The following GPANK1 variants were observed in gnomAD, a reference collection of about 807,000 sequenced individuals.
The protein encoded by GPANK1 is G-patch domain and ankyrin repeats 1.
Under a neutral mutation model 24.0 loss-of-function variants are expected in GPANK1, and 22 were observed. The observed-to-expected ratio is 0.92, with a 90% CI of 0.66 to 1.31. The LOEUF (loss-of-function observed/expected upper bound fraction) is 1.31. GPANK1 is among the 50% of genes most tolerant of loss of function. The pLI is 0.00. For missense variants in GPANK1, 469 were observed against 453.5 expected (o/e 1.03, Z -0.31); for synonymous variants, 174 against 177.4 (o/e 0.98, Z 0.15).
upstream of GPANK1, chr6:31,665,733 G>C: frequency 1.1e-6 from 1 of 881,058 alleles, no homozygotes. Flanking sequence ...CGGGACTAGA[G>C]GGGAACGTGA....
chr6:31,665,741 T>C, upstream of GPANK1: 1 of 894,994 alleles, frequency 1.1e-6, no homozygotes, highest in Non-Finnish European at 1.6e-6. Context: ...GAGGGGAACG[T>C]GAGGAGAGCT....
intron 2 of GPANK1, 134 bp downstream of exon 2, chr6:31,663,719 C>T: frequency 7.5e-7 from 1 of 1,337,124 alleles, no homozygotes; most frequent in Non-Finnish European, 9.8e-7. Context: ...AACCACTTGA[C>T]TATACTACCC....
chr6:31,665,194 G>A, upstream of GPANK1: 1 of 513,712 alleles, frequency 1.9e-6, no homozygotes, highest in Non-Finnish European at 3.5e-6. Context: ...GGTGGCGCGA[G>A]CACTAGGATC....
chr6:31,666,030 C>T (rs146452657), upstream of GPANK1: 615 of 997,874 alleles, frequency 6.2e-4, no homozygotes, highest in Middle Eastern at 9.3e-3. Flanking sequence ...GCATCCACCG[C>T]GGCACCTGAC....
Position 31,662,770 on chromosome 6 carries a change from C to A in GPANK1, c.627-60G>T, listed in dbSNP as rs1801059287. On this transcript the variant is annotated intron_variant, in intron 2 of 2. Coordinates refer to ENST00000375896, the MANE Select transcript of GPANK1 (RefSeq NM_033177.4). The surrounding 1 kb of genome is among the most constrained non-coding windows in gnomAD (Gnocchi z 5.5). The stretch of plus-strand genomic sequence containing the variant: ...GGAAGGAAAAGGGGAAGAGTTGAGG[C>A]CTCAGAGGGGGCTGGCAGGGTAGAA... The A allele has an allele frequency of 9.3e-7, 1 of 1,075,662 alleles. No individual in the cohort carries two copies. Among genetic ancestry groups the A allele is most frequent in the African/African-American group, 1.6e-5 (1 of 63,190 alleles). The allele number at this position is 1,075,662 out of a possible 1,614,324, so 66.6% of individuals were successfully genotyped here. A position where few individuals can be genotyped will look rare whatever the true frequency, so the allele number is the denominator to read the frequency against.
Position 31,663,873 on chromosome 6 carries a change from CT to C in GPANK1, c.605del (p.Glu202GlyfsTer63). 1.3e-6 allele frequency: 2 copies of C among 1,561,868 alleles called. No homozygotes were observed. Among genetic ancestry groups the C allele is most frequent in the Non-Finnish European group, 1.7e-6 (2 of 1,155,038 alleles). The part of the protein sequence containing the change: ...VARMVRESHG[E>X]TRSPENRSPT... ...CTTACCGGTTTTCCGGGCTCCTTGT[CT>C]CTCCATGGCTCTCCCTGACCATGCG... On this transcript the variant is annotated frameshift_variant, in exon 2 of 3. Coordinates refer to ENST00000375896, the MANE Select transcript of GPANK1 (RefSeq NM_033177.4). LOFTEE classifies it high-confidence loss of function.
In GPANK1 at chr6:31,664,252, A is replaced by C. The variant is rs139853921; in HGVS notation, c.227T>G (p.Met76Arg). 6.2e-7 allele frequency: 1 copy of C among 1,613,836 alleles called. No individual in the cohort carries two copies. The highest frequency in any genetic ancestry group is 2.2e-5 in the East Asian group (1 of 44,880). The change falls in exon 2 of 3, where the codon ATG becomes AGG. Residue 76 changes from methionine to arginine, a missense_variant. Coordinates refer to ENST00000375896, the MANE Select transcript of GPANK1 (RefSeq NM_033177.4). ...RERKRKKRRI[M>R]KAPAAEAVAE... is the part of the protein sequence containing the mutation. ...CACTGCTTCTGCTGCTGGTGCCTTC[A>C]TTATTCTTCTTTTCTTTCTCTTTCT...
chr6:31,662,194 G>A lies in GPANK1; in HGVS notation c.*72C>T. On this transcript the variant is annotated 3_prime_UTR_variant, in exon 3 of 3. Coordinates refer to ENST00000375896, the MANE Select transcript of GPANK1 (RefSeq NM_033177.4). This position sits in a 1 kb window ranked among gnomAD's most constrained non-coding sequence, Gnocchi z 5.5. ...GCATCTGAGCAGATCCCAGGAAGGGGAAGTCAAAGGGCCCAGGTCAGAGGC... is the reference window on the plus strand; with the variant it reads ...GCATCTGAGCAGATCCCAGGAAGGGAAAGTCAAAGGGCCCAGGTCAGAGGC... 1 of 993,298 alleles carries A rather than the reference G, an allele frequency of 1.0e-6. No homozygotes were observed. The highest frequency in any genetic ancestry group is 1.5e-6 in the Non-Finnish European group (1 of 672,826). The allele number at this position is 993,298 out of a possible 1,614,324, so 61.5% of individuals were successfully genotyped here.
In GPANK1 at chr6:31,663,908, CAG is replaced by C; in HGVS notation, c.569_570del (p.Pro190ArgfsTer32). The stretch of plus-strand genomic sequence containing the variant: ...CTCTCCCTGACCATGCGGGCTACCT[CAG>C]GGAAGCCAGCTTCTTCAGCGAGCTG... Reference protein sequence around the residue: ...AAQLAEEAGFPEVARMVRESH... With the variant: ...AAQLAEEAGFXEVARMVRESH... On this transcript the variant is annotated frameshift_variant, in exon 2 of 3. Coordinates refer to ENST00000375896, the MANE Select transcript of GPANK1 (RefSeq NM_033177.4). LOFTEE classifies it high-confidence loss of function. 6.2e-7 allele frequency: 1 copy of C among 1,610,054 alleles called. No individual in the cohort carries two copies. Among genetic ancestry groups the C allele is most frequent in the South Asian group, 1.1e-5 (1 of 90,554 alleles).
rs1445256757 is a variant in GPANK1, at chr6:31,662,653, G to T, written c.684C>A (p.Ser228=). The T allele has an allele frequency of 6.2e-7, 1 of 1,611,956 alleles. No individual in the cohort carries two copies. Among genetic ancestry groups the T allele is most frequent in the Non-Finnish European group, 8.5e-7 (1 of 1,179,220 alleles). The change falls in exon 3 of 3, where the codon TCC becomes TCA. Residue 228 remains serine, a synonymous_variant. Coordinates refer to ENST00000375896, the MANE Select transcript of GPANK1 (RefSeq NM_033177.4). The surrounding 1 kb of genome is among the most constrained non-coding windows in gnomAD (Gnocchi z 5.5). ...GGTGAGCAGTGGATGTGCGGTGGTT[G>T]GAATCTTGGAAGTGGGTGTCACAGT... ...CENCDTHFQD[S]NHRTSTAHLL... is the part of the protein sequence containing the mutation.
At chr6:31,665,761 G>A, upstream of GPANK1, 2 of 973,606 alleles carry the variant, frequency 2.1e-6, no homozygotes, top group Middle Eastern at 3.4e-4. Flanking sequence ...TGCGGAAAGA[G>A]ATCCAGCCTG....
intron 1 of GPANK1, 83 bp from the exon 2 acceptor site, chr6:31,664,660 GGAGA>G (rs1202942424): frequency 1.7e-6 from 1 of 591,100 alleles, no homozygotes; most frequent in Non-Finnish European, 3.0e-6. Context: ...AGGGCCTAAG[GGAGA>G]GAGACTTTGC....
chr6:31,665,109 G>A, upstream of GPANK1: 1 of 387,748 alleles, frequency 2.6e-6, no homozygotes, highest in South Asian at 3.1e-5. Flanking sequence ...GGGCTCGGGC[G>A]TGCGCAAAGC....
Position 31,664,441 on chromosome 6 carries a change from G to C in GPANK1, c.38C>G (p.Thr13Ser). ...RPLLITFTPA[T>S]DPSDLWKDGQ... ...ATCCTTCCAGAGGTCGCTGGGGTCAGTGGCTGGGGTGAAGGTGATGAGCAA... is the reference window on the plus strand; with the variant it reads ...ATCCTTCCAGAGGTCGCTGGGGTCACTGGCTGGGGTGAAGGTGATGAGCAA... The change falls in exon 2 of 3, where the codon ACT becomes AGT. Residue 13 changes from threonine to serine, a missense_variant. By Grantham distance (58) the Thr-to-Ser change is moderately conservative. Coordinates refer to ENST00000375896, the MANE Select transcript of GPANK1 (RefSeq NM_033177.4). 6.2e-7 allele frequency: 1 copy of C among 1,614,036 alleles called. No individual in the cohort carries two copies. The highest frequency in any genetic ancestry group is 2.2e-5 in the East Asian group (1 of 44,886).
At position 31,661,456 on chromosome 6, in the gene GPANK1, T is replaced by C. The variant is rs1327695830; in HGVS notation, c.*810A>G. 1 of 152,366 alleles carries C rather than the reference T, an allele frequency of 6.6e-6. No homozygotes were observed. The highest frequency in any genetic ancestry group is 2.4e-5 in the African/African-American group (1 of 41,450). 9.4% of individuals were successfully genotyped at this position (152,366 alleles called of 1,614,324 possible). On this transcript the variant is annotated 3_prime_UTR_variant, in exon 3 of 3. Coordinates refer to ENST00000375896, the MANE Select transcript of GPANK1 (RefSeq NM_033177.4). ...TGGCTCATGCCTGCAACCCCAGCACTTTGGGAAGCCGAGGCCGGCGGATCA... is the reference window on the plus strand; with the variant it reads ...TGGCTCATGCCTGCAACCCCAGCACCTTGGGAAGCCGAGGCCGGCGGATCA...
intron 1 of GPANK1, 112 bp downstream of exon 1, chr6:31,664,715 GTAAAGATTAATAAA>G (rs1297474610): frequency 3.7e-6 from 2 of 543,236 alleles, no homozygotes; most frequent in African/African-American, 1.9e-5. Flanking sequence ...TTGCTCCTTA[GTAAAGATTAATAAA>G]ACTCCATGAG....
At position 31,662,709 on chromosome 6, in the gene GPANK1, A is replaced by G; in HGVS notation, c.628T>C (p.Ser210Pro). 6.4e-7 allele frequency: 1 copy of G among 1,565,746 alleles called. No individual in the cohort carries two copies. Among genetic ancestry groups the G allele is most frequent in the Non-Finnish European group, 8.7e-7 (1 of 1,149,258 alleles). Residue 210 changes from serine to proline, a missense_variant and splice_region_variant, in exon 3 of 3, where the codon TCT becomes CCT. By Grantham distance (74) the Ser-to-Pro change is moderately conservative. Transcript: ENST00000375896. This position sits in a 1 kb window ranked among gnomAD's most constrained non-coding sequence, Gnocchi z 5.5. ...CAGTACTGGAGGGAGGGAGTAGGAG[A>G]CCTGCAGAGAAAGAAGAAAAAGCAT... is the stretch of plus-strand genomic sequence containing the variant. ...HGETRSPENR[S>P]PTPSLQYCEN...
chr6:31,663,539 T>C (rs1473564332), intron 2 of GPANK1: 4 of 358,776 alleles, frequency 1.1e-5, no homozygotes, highest in Non-Finnish European at 2.0e-5. Context: ...ATGTATTGCA[T>C]ACTATGCGGC....
At chr6:31,666,173 C>G (rs551629267), upstream of GPANK1, 18 of 991,916 alleles carry the variant, frequency 1.8e-5, no homozygotes, top group African/African-American at 3.1e-4. Flanking sequence ...GTAGCAACTT[C>G]CCTACCCCAC....
Sources: gnomAD v4.1 joint callset for allele counts on GRCh38, gnomAD v4.1.1 for gene constraint, Gnocchi (gnomAD v3.1) non-coding constraint, MANE v1.5 for transcripts, NCBI Gene and HGNC (gene_info 2026-07-23, HGNC 2026-07-21) for gene names.